The following CSGALNACT1 variants were observed in gnomAD, a reference collection of about 807,000 sequenced individuals.
The protein encoded by CSGALNACT1 is beta4GalNAcT-1.
Under a neutral mutation model 51.0 loss-of-function variants are expected in CSGALNACT1, and 52 were observed. The ratio of observed to expected loss-of-function variants is 1.02; its 90% CI spans 0.82 to 1.29. CSGALNACT1 has a LOEUF of 1.29. CSGALNACT1 is among the 50% of genes most tolerant of loss of function. The pLI is 0.00. For missense variants in CSGALNACT1, 935 were observed against 679.2 expected, an observed-to-expected ratio of 1.38 and a Z score of -4.19; for synonymous variants, 341 against 254.4, an observed-to-expected ratio of 1.34 and a Z score of -3.24.
intron 3 of CSGALNACT1, among the ~76,000 whole-genome samples, chr8:19,558,727 A>G (rs1036240902): frequency 1.3e-5 from 2 of 152,124 alleles, no homozygotes; most frequent in African/African-American, 4.8e-5. Context: ...AAGAGAGAAA[A>G]ATTCTTTTCA....
exon 4 of CSGALNACT1, chr8:19,505,707 A>AGCT: frequency 1.2e-6 from 2 of 1,614,216 alleles, no homozygotes; most frequent in Non-Finnish European, 1.7e-6. Context: ...GGGCAGTGCC[A>AGCT]GCTGCTCCTC....
intron 1 of CSGALNACT1, among the ~76,000 whole-genome samples, chr8:19,643,364 C>T (rs1290875827): frequency 6.6e-6 from 1 of 152,132 alleles, no homozygotes; most frequent in Non-Finnish European, 1.5e-5. Flanking sequence ...TCACCAGGCA[C>T]AGTGGCTCAT....
At chr8:19,491,970 TG>T (rs1407068285) in intron 4 of CSGALNACT1, among the ~76,000 whole-genome samples, 1 of 152,214 alleles carries the variant, frequency 6.6e-6, no homozygotes, top group Non-Finnish European at 1.5e-5. Flanking sequence ...TAGACATGGA[TG>T]GAAGGCCAAA....
chr8:19,560,265 C>T (rs530481853), intron 3 of CSGALNACT1, among the ~76,000 whole-genome samples: 1 of 152,236 alleles, frequency 6.6e-6, no homozygotes, highest in South Asian at 2.1e-4. Context: ...AGCTTAAAGA[C>T]TGCAAGATTA....
intron 3 of CSGALNACT1, among the ~76,000 whole-genome samples, chr8:19,589,025 G>A (rs951395501): frequency 6.6e-6 from 1 of 152,146 alleles, no homozygotes; most frequent in African/African-American, 2.4e-5. Flanking sequence ...TATGTCACAG[G>A]ACAAGCCTAT....
chr8:19,576,748 C>G (rs903646042), intron 3 of CSGALNACT1, among the ~76,000 whole-genome samples: 2 of 152,062 alleles, frequency 1.3e-5, no homozygotes, highest in South Asian at 4.2e-4. Flanking sequence ...CCCCATCAGT[C>G]TTACCTCTGC....
chr8:19,648,594 G>C (rs1294213756), intron 1 of CSGALNACT1, among the ~76,000 whole-genome samples: 1 of 152,172 alleles, frequency 6.6e-6, no homozygotes, highest in East Asian at 1.9e-4. Flanking sequence ...GATTGCCTGA[G>C]CCCAGGAGTT....
chr8:19,487,544 A>G (rs947128388), intron 4 of CSGALNACT1, among the ~76,000 whole-genome samples: 14 of 152,218 alleles, frequency 9.2e-5, no homozygotes, highest in African/African-American at 2.9e-4. Flanking sequence ...CAGAAAGTCA[A>G]TAAGAAAAAT....
intron 4 of CSGALNACT1, among the ~76,000 whole-genome samples, chr8:19,466,184 G>C (rs1236527045): frequency 4.6e-5 from 7 of 152,110 alleles, no homozygotes; most frequent in African/African-American, 1.4e-4. Flanking sequence ...AGAATATTTG[G>C]GAAAAGAAAA....
At position 19,718,566 on chromosome 8, in the gene CSGALNACT1, T is replaced by G. The variant is rs768146937; in HGVS notation, c.-297+39284A>C. ...TTTTTTCTTGCCATCAATGTACTGTTTCTATTTCATATGAACTGATAATTA... is the reference window on the plus strand; with the variant it reads ...TTTTTTCTTGCCATCAATGTACTGTGTCTATTTCATATGAACTGATAATTA... On this transcript the variant is annotated intron_variant, in intron 1 of 1. Coordinates refer to the CSGALNACT1 transcript ENST00000517494. Among the ~76,000 whole-genome samples, 49 of 152,244 alleles carry G rather than the reference T, an allele frequency of 3.2e-4. 1 individual carries two copies. The highest frequency in any genetic ancestry group is 5.9e-4 in the Non-Finnish European group (40 of 68,042).
intron 1 of CSGALNACT1, among the ~76,000 whole-genome samples, chr8:19,689,376 A>T (rs1442622457): frequency 6.6e-6 from 1 of 152,188 alleles, no homozygotes; most frequent in Non-Finnish European, 1.5e-5. Context: ...CCTTTTGAGC[A>T]GCCATCTTGA....
intron 1 of CSGALNACT1, among the ~76,000 whole-genome samples, chr8:19,679,815 A>C (rs2060464744): frequency 6.6e-6 from 1 of 152,128 alleles, no homozygotes; most frequent in Admixed American, 6.5e-5. Flanking sequence ...TCCCGGCAAC[A>C]CTTTACCTGC....
intron 1 of CSGALNACT1, among the ~76,000 whole-genome samples, chr8:19,726,393 A>C (rs543395031): frequency 3.6e-4 from 55 of 152,340 alleles, no homozygotes; most frequent in African/African-American, 1.2e-3. Flanking sequence ...CTGTTGTGAA[A>C]TGAAAAAATA....
chr8:19,543,169 A>G (rs1219199465), intron 3 of CSGALNACT1, among the ~76,000 whole-genome samples: 4 of 152,152 alleles, frequency 2.6e-5, no homozygotes, highest in Admixed American at 2.6e-4. Flanking sequence ...AGATACTATC[A>G]TTTTCAGCTC....
chr8:19,412,385 A>G (rs956712735), intron 8 of CSGALNACT1, among the ~76,000 whole-genome samples: 4 of 152,202 alleles, frequency 2.6e-5, no homozygotes, highest in African/African-American at 7.2e-5. Context: ...ATCTCTCCCC[A>G]AAGATGTGGG....
chr8:19,434,051 C>A (rs980418237), intron 6 of CSGALNACT1, among the ~76,000 whole-genome samples: 10 of 152,298 alleles, frequency 6.6e-5, no homozygotes, highest in Middle Eastern at 3.4e-3. Flanking sequence ...CCCTTTCACA[C>A]CAAAATTCAT....
chr8:19,438,329 T>C (rs1034713344), intron 6 of CSGALNACT1, among the ~76,000 whole-genome samples: 5 of 152,302 alleles, frequency 3.3e-5, no homozygotes, highest in Admixed American at 6.5e-5. Context: ...TATCTAGGAA[T>C]TGACATTGAC....
chr8:19,410,874 G>A (rs2055543002), intron 8 of CSGALNACT1, among the ~76,000 whole-genome samples: 2 of 152,324 alleles, frequency 1.3e-5, no homozygotes, highest in East Asian at 1.9e-4. Context: ...TCCCTCAGTC[G>A]AGGTTCCACC....
intron 5 of CSGALNACT1, 44 bp downstream of exon 4, chr8:19,458,382 C>G: frequency 1.4e-6 from 2 of 1,454,916 alleles, no homozygotes; most frequent in Non-Finnish European, 9.7e-7. Context: ...AGTGTTCTAA[C>G]ACACATCATG....
Sources: gnomAD v4.1 joint callset for allele counts (sites outside exome capture counted in the v4.1 genomes callset) on GRCh38, gnomAD v4.1.1 for gene constraint, MANE v1.5 for transcripts, NCBI Gene and HGNC (gene_info 2026-07-23, HGNC 2026-07-21) for gene names.